The following DIP2C variants were observed in gnomAD, a reference collection of about 807,000 sequenced individuals.
DIP2C encodes disco-interacting protein 2 homolog C.
DIP2C carries 33 observed loss-of-function variants against 192.4 expected under a neutral mutation model. That is an observed-to-expected ratio of 0.17 (90% CI 0.13 to 0.23). DIP2C has a LOEUF of 0.23. Ranked by LOEUF, DIP2C falls within the 10% of genes least tolerant of loss-of-function variation. The pLI is 1.00. For missense variants in DIP2C, 1,537 were observed against 2,110.1 expected (o/e 0.73, Z 5.32); for synonymous variants, 979 against 864.1 (o/e 1.13, Z -2.33).
At chr10:496,692 A>G (rs1844862519) in intron 1 of DIP2C, among the ~76,000 whole-genome samples, 1 of 151,676 alleles carries the variant, frequency 6.6e-6, no homozygotes, top group Non-Finnish European at 1.5e-5. Flanking sequence ...CATTACTCGC[A>G]ATACCCCAAA....
At chr10:618,692 C>A (rs1357511138) in intron 1 of DIP2C, among the ~76,000 whole-genome samples, 1 of 152,212 alleles carries the variant, frequency 6.6e-6, no homozygotes, top group Non-Finnish European at 1.5e-5. Flanking sequence ...CCTCTGAAAC[C>A]GTGGAATAAT....
intron 3 of DIP2C, among the ~76,000 whole-genome samples, chr10:449,039 C>CGA (rs1227811307): frequency 6.9e-6 from 1 of 145,890 alleles, no homozygotes; most frequent in Non-Finnish European, 1.5e-5. Flanking sequence ...CTCAGGATCA[C>CGA]ACACAGTGGG....
intron 3 of DIP2C, among the ~76,000 whole-genome samples, chr10:471,505 C>G (rs1007330483): frequency 6.6e-6 from 1 of 152,234 alleles, no homozygotes; most frequent in East Asian, 1.9e-4. Flanking sequence ...CAGAAGACAA[C>G]AGTCACGACT....
At chr10:625,952 G>C (rs569900535) in intron 1 of DIP2C, among the ~76,000 whole-genome samples, 2 of 152,180 alleles carry the variant, frequency 1.3e-5, no homozygotes, top group Non-Finnish European at 2.9e-5. Context: ...TGTCAAAAGA[G>C]CGTTTTGCAA....
intron 5 of DIP2C, among the ~76,000 whole-genome samples, chr10:420,206 A>G (rs375726103): frequency 6.6e-6 from 1 of 152,240 alleles, no homozygotes; most frequent in Non-Finnish European, 1.5e-5. Context: ...CTAGACGGCG[A>G]AATCAACTGA....
chr10:603,213 AC>A (rs1274516811), intron 1 of DIP2C, among the ~76,000 whole-genome samples: 1 of 146,950 alleles, frequency 6.8e-6, no homozygotes, highest in African/African-American at 2.5e-5. Context: ...CAGGAGAATC[AC>A]TTGAGCACAG....
intron 31 of DIP2C, among the ~76,000 whole-genome samples, chr10:312,405 G>A (rs985022130): frequency 2.0e-5 from 3 of 152,228 alleles, no homozygotes; most frequent in Admixed American, 6.5e-5. Flanking sequence ...TTTCACAGGC[G>A]CCTGGACTGA....
At chr10:563,954 T>G (rs1271848153) in intron 1 of DIP2C, among the ~76,000 whole-genome samples, 4 of 152,208 alleles carry the variant, frequency 2.6e-5, no homozygotes, top group Non-Finnish European at 4.4e-5. Flanking sequence ...ATGCTGAATT[T>G]GAAGAAACTG....
At chr10:501,469 G>A (rs896093858) in intron 1 of DIP2C, among the ~76,000 whole-genome samples, 2 of 152,020 alleles carry the variant, frequency 1.3e-5, no homozygotes, top group African/African-American at 4.8e-5. Flanking sequence ...ATGTATTCAA[G>A]GATTTTTATA....
At chr10:291,445 G>A (rs1433597467) in intron 32 of DIP2C, among the ~76,000 whole-genome samples, 1 of 152,164 alleles carries the variant, frequency 6.6e-6, no homozygotes, top group Non-Finnish European at 1.5e-5. Context: ...TACACCAAGG[G>A]GAACAATATC....
chr10:372,900 C>T (rs987381364), intron 17 of DIP2C, among the ~76,000 whole-genome samples: 1 of 152,248 alleles, frequency 6.6e-6, no homozygotes, highest in African/African-American at 2.4e-5. Context: ...TAACTTCTGA[C>T]CTGGTGGTGC....
At chr10:386,932 C>T (rs986780955) in intron 14 of DIP2C, among the ~76,000 whole-genome samples, 6 of 152,196 alleles carry the variant, frequency 3.9e-5, no homozygotes, top group Non-Finnish European at 7.3e-5. Flanking sequence ...TACTTCCCCA[C>T]GAAAAGTGCC....
chr10:534,575 C>G (rs912724156), intron 1 of DIP2C, among the ~76,000 whole-genome samples: 4 of 152,136 alleles, frequency 2.6e-5, no homozygotes, highest in Non-Finnish European at 5.9e-5. Flanking sequence ...GACGCCAACA[C>G]AGGAAACTGA....
In DIP2C at chr10:353,438, G is replaced by C. The variant is rs1269803240; in HGVS notation, c.2985+2988C>G. 2.0e-5 allele frequency among the ~76,000 whole-genome samples: 3 copies of C among 152,224 alleles called. No homozygotes were observed. The East Asian group carries it at 5.8e-4, about 29-fold the overall frequency. On this transcript the variant is annotated intron_variant, in intron 24 of 36. Coordinates refer to ENST00000280886, the MANE Select transcript of DIP2C (RefSeq NM_014974.3). Reference sequence around the variant, plus strand: ...GAGTCTTGCTCTGTTGCCCAGGTTGGAGTGCAGTGGCATGATCTTGGCTCA... The same window carrying C: ...GAGTCTTGCTCTGTTGCCCAGGTTGCAGTGCAGTGGCATGATCTTGGCTCA...
rs772430547 is a variant in DIP2C at position 345,084 on chromosome 10, C to G, written c.3258G>C (p.Thr1086=). The change falls in exon 27 of 37, where the codon ACG becomes ACC. Residue 1086 remains threonine, a synonymous_variant. Transcript: ENST00000280886. ...GCAGCAACTTACAGATCAGCTGTGT[C>G]GTCATCAGACAGGCAGAGCGACTCA... is the stretch of plus-strand genomic sequence containing the variant. ...VEVSRSACLM[T]TQLICKLLRS... is the part of the protein sequence containing the mutation. 1 of 1,613,064 alleles carries G rather than the reference C, an allele frequency of 6.2e-7. No individual in the cohort carries two copies. The highest frequency in any genetic ancestry group is 2.2e-5 in the East Asian group (1 of 44,884).
chr10:371,009 C>A (rs187925353), intron 17 of DIP2C, among the ~76,000 whole-genome samples: 3 of 152,280 alleles, frequency 2.0e-5, no homozygotes, highest in South Asian at 2.1e-4. Flanking sequence ...AATAAGAAAA[C>A]CCACACGGAA....
intron 1 of DIP2C, among the ~76,000 whole-genome samples, chr10:611,969 CTTT>C (rs551062553): frequency 8.9e-5 from 8 of 89,514 alleles, no homozygotes; most frequent in African/African-American, 2.1e-4. Flanking sequence ...TTTCAGACAG[CTTT>C]TTTTTAAGGG....
chr10:335,644 G>C (rs1382307663), intron 29 of DIP2C, among the ~76,000 whole-genome samples: 7 of 152,354 alleles, frequency 4.6e-5, no homozygotes, highest in Admixed American at 3.9e-4. Context: ...GGAGATCCAG[G>C]ACAGGCATCT....
At position 527,424 on chromosome 10, in the gene DIP2C, T is replaced by C. The variant is rs552016377; in HGVS notation, c.86-40894A>G. On this transcript the variant is annotated intron_variant, in intron 1 of 36. Transcript: ENST00000280886. Reference sequence around the variant, plus strand: ...TTTTGTAATTTTTAATATTTGTACTTATGGTGTGATTTGGGGAACAACAAA... The same window carrying C: ...TTTTGTAATTTTTAATATTTGTACTCATGGTGTGATTTGGGGAACAACAAA... Among the ~76,000 whole-genome samples, 3 of 152,324 alleles carry C rather than the reference T, an allele frequency of 2.0e-5. No homozygotes were observed. In the South Asian group the frequency reaches 6.2e-4, roughly 32 times the overall value.
Sources: gnomAD v4.1 joint callset for allele counts (sites outside exome capture counted in the v4.1 genomes callset) on GRCh38, gnomAD v4.1.1 for gene constraint, MANE v1.5 for transcripts, NCBI Gene and HGNC (gene_info 2026-07-23, HGNC 2026-07-21) for gene names.